Variants in NLRC3 observed in about 807,000 individuals in gnomAD.
NLRC3 encodes the protein NLR family CARD domain containing 3.
Under a neutral mutation model 91.6 loss-of-function variants are expected in NLRC3, and 87 were observed. That is an observed-to-expected ratio of 0.95 (90% confidence interval 0.80 to 1.14). The LOEUF (loss-of-function observed/expected upper bound fraction) is 1.14, where lower values mean the gene tolerates loss of function less well. Ranked by LOEUF, NLRC3 falls within the 50% of genes most tolerant of loss-of-function variation. The pLI, the probability that NLRC3 is intolerant of heterozygous loss-of-function variation, is 0.00. For synonymous variants in NLRC3, 694 were observed against 625.3 expected, an observed-to-expected ratio of 1.11 and a Z score of -1.64; for missense variants, 1,577 against 1,418.6, an observed-to-expected ratio of 1.11 and a Z score of -1.79.
intron 1 of NLRC3, among the ~76,000 whole-genome samples, chr16:3,567,860 C>G (rs956040306): frequency 6.9e-6 from 1 of 145,946 alleles, no homozygotes; most frequent in Non-Finnish European, 1.5e-5. Context: ...GGGAGCCTAG[C>G]TTTTTCTTTC....
At chr16:3,543,814 T>C in intron 16 of NLRC3, 1 of 404,072 alleles carries the variant, frequency 2.5e-6, no homozygotes, top group Non-Finnish European at 4.6e-6. Flanking sequence ...ATATCATATT[T>C]CCTATATTAG....
chr16:3,561,894 C>A, intron 5 of NLRC3, 106 bp from the exon 6 acceptor site: 1 of 779,784 alleles, frequency 1.3e-6, no homozygotes, highest in Admixed American at 1.9e-5. Context: ...GCGCTATCAC[C>A]GCAGCTCTGA....
chr16:3,563,752 C>G lies in NLRC3; in HGVS notation c.1185G>C (p.Lys395Asn), dbSNP rs1294720743. 6.2e-7 allele frequency: 1 copy of G among 1,613,462 alleles called. No homozygotes were observed. The highest frequency in any genetic ancestry group is 1.7e-5 in the Admixed American group (1 of 59,996). Residue 395 changes from lysine (K) to asparagine (N), a missense_variant, in exon 5 of 20, where the codon AAG becomes AAC. By Grantham distance (94) the Lys-to-Asn change is moderately conservative. Coordinates refer to ENST00000359128, the MANE Select transcript of NLRC3 (RefSeq NM_178844.4). ...CCAGACGGCCCAATGTCCCCACCAT[C>G]TTGCGGCCACCATGGGCCACCTGCT... ...RIEQVAHGGR[K>N]MVGTLGRLAF...
At chr16:3,575,346 C>G (rs923168065) in intron 1 of NLRC3, among the ~76,000 whole-genome samples, 1 of 152,216 alleles carries the variant, frequency 6.6e-6, no homozygotes, top group Non-Finnish European at 1.5e-5. Flanking sequence ...TTCCACAGAC[C>G]TCTCAGCCGA....
chr16:3,562,906 C>T, intron 5 of NLRC3, 103 bp downstream of exon 5: 1 of 1,056,474 alleles, frequency 9.5e-7, no homozygotes. Flanking sequence ...TCTGTTACGG[C>T]AGCCCTAGGA....
chr16:3,562,551 G>A (rs1388944556), intron 5 of NLRC3, among the ~76,000 whole-genome samples: 1 of 152,174 alleles, frequency 6.6e-6, no homozygotes, highest in Non-Finnish European at 1.5e-5. Flanking sequence ...TGAGGCAGGA[G>A]AATCGCTTGA....
In NLRC3 at chr16:3,564,079, G is replaced by T; in HGVS notation, c.858C>A (p.Ile286=). ...PGGLVDRMTE[I]RGFNEEEIKV... The stretch of plus-strand genomic sequence containing the variant: ...TGATCTCCTCCTCGTTAAAGCCCCG[G>T]ATCTCCGTCATCCGGTCCACCAGGC... Residue 286 remains isoleucine (I), a synonymous_variant, in exon 5 of 20, where the codon ATC becomes ATA. Coordinates refer to ENST00000359128, the MANE Select transcript of NLRC3 (RefSeq NM_178844.4). This position sits in a 1 kb window ranked among gnomAD's most constrained non-coding sequence, Gnocchi z 5.9. The T allele has an allele frequency of 1.2e-6, 2 of 1,613,432 alleles. No individual in the cohort carries two copies. The highest frequency in any genetic ancestry group is 1.7e-6 in the Non-Finnish European group (2 of 1,179,890).
At chr16:3,562,834 C>T in intron 5 of NLRC3, 175 bp downstream of exon 5, 2 of 714,794 alleles carry the variant, frequency 2.8e-6, no homozygotes, top group South Asian at 3.0e-5. Flanking sequence ...TTTGAGACTT[C>T]TGGCCTCCAG....
chr16:3,543,108 A>G, intron 17 of NLRC3: 2 of 484,490 alleles, frequency 4.1e-6, no homozygotes, highest in Non-Finnish European at 3.8e-6. Flanking sequence ...TTCTGAGGAC[A>G]TGCCTGAGCC....
chr16:3,576,512 C>T (rs375442525), intron 1 of NLRC3, among the ~76,000 whole-genome samples: 6 of 152,340 alleles, frequency 3.9e-5, no homozygotes, highest in African/African-American at 7.2e-5. Flanking sequence ...TTCCCCAGGC[C>T]GTGGCTCAGC....
At position 3,565,040 on chromosome 16, in the gene NLRC3, G is replaced by C; in HGVS notation, c.-4C>G. On this transcript the variant is annotated 5_prime_UTR_variant, in exon 4 of 20. Coordinates refer to ENST00000359128, the MANE Select transcript of NLRC3 (RefSeq NM_178844.4). ...TCCGCACCTCTTGCTTCCTCATGGA[G>C]TCGGGGATCACCTCCAGGAGCTGTG... is the stretch of plus-strand genomic sequence containing the variant. The C allele has an allele frequency of 6.2e-7, 1 of 1,608,182 alleles. No homozygotes were observed. Among genetic ancestry groups the C allele is most frequent in the East Asian group, 2.2e-5 (1 of 44,864 alleles).
chr16:3,551,952 T>C (rs2039031856), intron 10 of NLRC3, among the ~76,000 whole-genome samples: 1 of 150,390 alleles, frequency 6.6e-6, no homozygotes, highest in Non-Finnish European at 1.5e-5. Context: ...CATCCATCCA[T>C]CCGTCCACTC....
At chr16:3,574,217 G>T (rs112597448) in intron 1 of NLRC3, among the ~76,000 whole-genome samples, 48 of 151,894 alleles carry the variant, frequency 3.2e-4, no homozygotes, top group Admixed American at 1.6e-3. Flanking sequence ...GTTTCACCAT[G>T]TTGGCCAGGC....
intron 6 of NLRC3, among the ~76,000 whole-genome samples, chr16:3,558,005 C>T (rs926962255): frequency 1.3e-5 from 2 of 152,184 alleles, no homozygotes; most frequent in Non-Finnish European, 2.9e-5. Context: ...CAGATGGCAG[C>T]CAGTGGTGTA....
chr16:3,573,617 G>A (rs1162440882), intron 1 of NLRC3, among the ~76,000 whole-genome samples: 1 of 152,148 alleles, frequency 6.6e-6, no homozygotes, highest in Admixed American at 6.6e-5. Flanking sequence ...GCACCCACCA[G>A]GTGACCAGCC....
chr16:3,564,814 C>T lies in NLRC3; in HGVS notation c.178+45G>A. Reference sequence around the variant, plus strand: ...GTAAGGGAAGAGTGGGCACAATCAGCCCAGGTGTTCCCCACCCCGCGTCTG... The same window carrying T: ...GTAAGGGAAGAGTGGGCACAATCAGTCCAGGTGTTCCCCACCCCGCGTCTG... On this transcript the variant is annotated intron_variant, in intron 4 of 19. Coordinates refer to ENST00000359128, the MANE Select transcript of NLRC3 (RefSeq NM_178844.4). This position sits in a 1 kb window ranked among gnomAD's most constrained non-coding sequence, Gnocchi z 5.9. 1 of 1,575,250 alleles carries T rather than the reference C, an allele frequency of 6.3e-7. No individual in the cohort carries two copies. Among genetic ancestry groups the T allele is most frequent in the South Asian group, 1.2e-5 (1 of 86,790 alleles).
At chr16:3,575,615 A>C (rs1295342727) in intron 1 of NLRC3, among the ~76,000 whole-genome samples, 1 of 152,204 alleles carries the variant, frequency 6.6e-6, no homozygotes, top group Non-Finnish European at 1.5e-5. Flanking sequence ...CTGTGAGCGA[A>C]GGTGAACCTG....
intron 15 of NLRC3, among the ~76,000 whole-genome samples, chr16:3,546,263 A>C (rs890361177): frequency 2.6e-5 from 4 of 152,012 alleles, no homozygotes; most frequent in Admixed American, 2.6e-4. Context: ...TACTTTAAAA[A>C]ATAAGTTATA....
intron 1 of NLRC3, among the ~76,000 whole-genome samples, chr16:3,569,039 C>A (rs1270900865): frequency 6.6e-6 from 1 of 152,046 alleles, no homozygotes; most frequent in Non-Finnish European, 1.5e-5. Flanking sequence ...CAAGGCTGGG[C>A]GTGGTGGCTC....
Sources: allele counts gnomAD v4.1 joint callset (sites outside exome capture counted in the v4.1 genomes callset), GRCh38; gene constraint gnomAD v4.1.1; non-coding constraint Gnocchi (gnomAD v3.1); transcripts MANE v1.5; gene names NCBI Gene and HGNC (gene_info 2026-07-23, HGNC 2026-07-21).